The following RSRC1 variants were observed in gnomAD, a reference collection of about 807,000 sequenced individuals.
The protein encoded by RSRC1 is arginine and serine rich coiled-coil 1.
In RSRC1, 39 loss-of-function variants were observed where a neutral mutation model predicts 49.1. The ratio of observed to expected loss-of-function variants is 0.79; its 90% CI spans 0.61 to 1.04. The LOEUF is 1.04. Among genes scored for constraint, RSRC1 ranks in the 50% least tolerant of loss-of-function variants. RSRC1 has a pLI of 0.00. For missense variants in RSRC1, 388 were observed against 402.4 expected (o/e 0.96, Z 0.31); for synonymous variants, 143 against 130.8 (o/e 1.09, Z -0.63).
chr3:158,359,606 C>T (rs569001327), intron 6 of RSRC1, among the ~76,000 whole-genome samples: 3 of 152,222 alleles, frequency 2.0e-5, no homozygotes, highest in South Asian at 2.1e-4. Context: ...CGGTGGCACC[C>T]GGAAGCTTGA....
intron 6 of RSRC1, among the ~76,000 whole-genome samples, chr3:158,381,120 T>C (rs750774464): frequency 1.2e-4 from 18 of 152,188 alleles, no homozygotes; most frequent in Non-Finnish European, 2.5e-4. Flanking sequence ...CTATAAAATA[T>C]ATGAACTATT....
intron 3 of RSRC1, among the ~76,000 whole-genome samples, chr3:158,202,194 T>C (rs1175877153): frequency 6.6e-6 from 1 of 152,074 alleles, no homozygotes; most frequent in Admixed American, 6.5e-5. Flanking sequence ...TTTATATTTT[T>C]AGTAGAGATG....
intron 7 of RSRC1, among the ~76,000 whole-genome samples, chr3:158,471,029 G>A (rs1277097902): frequency 6.6e-5 from 10 of 152,310 alleles, no homozygotes; most frequent in Non-Finnish European, 7.4e-5. Flanking sequence ...TGTTGGACTA[G>A]AGCCCAGGCT....
chr3:158,399,379 A>G lies in RSRC1; in HGVS notation c.583+44471A>G, dbSNP rs577763352. ...CACCGTTTTAGCCGGGATGGTCTCG[A>G]TCTCCTGACCTCGTGATCCGCCCGC... is the stretch of plus-strand genomic sequence containing the variant. On this transcript the variant is annotated intron_variant, in intron 6 of 9. Transcript: ENST00000611884. 1.1e-4 allele frequency among the ~76,000 whole-genome samples: 12 copies of G among 109,354 alleles called. 4 individuals carry two copies. The East Asian group carries it at 2.7e-3, about 25-fold the overall frequency. The allele number at this position is 109,354 out of a possible 152,430, so 71.7% of individuals were successfully genotyped here.
intron 1 of RSRC1, among the ~76,000 whole-genome samples, chr3:158,117,717 C>A (rs1714933557): frequency 6.6e-6 from 1 of 152,162 alleles, no homozygotes; most frequent in Non-Finnish European, 1.5e-5. Flanking sequence ...GCTTTGAACT[C>A]CTGGGGTCAA....
At position 158,326,457 on chromosome 3, in the gene RSRC1, T is replaced by C. The variant is rs901463750; in HGVS notation, c.531+28382T>C. ...AGCATGAGGCATTGTTGAATTTTGT[T>C]GAAGGCCTTTTCTGCATCTATTGAG... On this transcript the variant is annotated intron_variant, in intron 5 of 9. Coordinates refer to ENST00000611884, the MANE Select transcript of RSRC1 (RefSeq NM_001271838.2). 3.9e-5 allele frequency among the ~76,000 whole-genome samples: 6 copies of C among 152,244 alleles called. No individual in the cohort carries two copies. The South Asian group carries it at 6.2e-4, about 16-fold the overall frequency.
At chr3:158,534,559 G>A (rs1712609106) in intron 7 of RSRC1, among the ~76,000 whole-genome samples, 1 of 151,494 alleles carries the variant, frequency 6.6e-6, no homozygotes, top group African/African-American at 2.4e-5. Flanking sequence ...AAGGGTGTAA[G>A]TCATTATGTT....
intron 5 of RSRC1, among the ~76,000 whole-genome samples, chr3:158,310,086 T>C (rs1339211860): frequency 6.6e-6 from 1 of 151,644 alleles, no homozygotes; most frequent in Non-Finnish European, 1.5e-5. Context: ...TTAAGGAATT[T>C]ATAGTCTAAT....
chr3:158,394,299 A>T (rs1471167689), intron 6 of RSRC1, among the ~76,000 whole-genome samples: 1 of 151,998 alleles, frequency 6.6e-6, no homozygotes, highest in Non-Finnish European at 1.5e-5. Flanking sequence ...GGAAGTCCTG[A>T]CCCAAGCAAT....
intron 6 of RSRC1, among the ~76,000 whole-genome samples, chr3:158,430,716 C>T (rs1735733325): frequency 6.6e-6 from 1 of 151,932 alleles, no homozygotes; most frequent in Non-Finnish European, 1.5e-5. Flanking sequence ...TTCTGTACCA[C>T]ACTATGAGCA....
At chr3:158,147,054 TC>T (rs1717176893) in intron 3 of RSRC1, among the ~76,000 whole-genome samples, 1 of 136,150 alleles carries the variant, frequency 7.3e-6, no homozygotes, top group African/African-American at 2.7e-5. Context: ...TGCTGCTGCC[TC>T]CCCCTCCCTC....
intron 3 of RSRC1, among the ~76,000 whole-genome samples, chr3:158,181,851 G>C (rs1232832677): frequency 6.6e-6 from 1 of 152,088 alleles, no homozygotes; most frequent in Non-Finnish European, 1.5e-5. Context: ...GAATTTGTTT[G>C]TTTATTCATT....
intron 3 of RSRC1, among the ~76,000 whole-genome samples, chr3:158,202,580 ATGT>A (rs1721119727): frequency 2.1e-5 from 3 of 142,992 alleles, no homozygotes; most frequent in African/African-American, 8.0e-5. Flanking sequence ...ATATATATAT[ATGT>A]TTTATCAATA....
At chr3:158,423,291 A>G (rs1400974055) in intron 6 of RSRC1, among the ~76,000 whole-genome samples, 4 of 152,140 alleles carry the variant, frequency 2.6e-5, no homozygotes, top group African/African-American at 7.2e-5. Context: ...AGCTTTCTAC[A>G]TATGGCTAGC....
intron 7 of RSRC1, among the ~76,000 whole-genome samples, chr3:158,482,356 TG>T (rs1256056620): frequency 3.9e-5 from 6 of 152,224 alleles, no homozygotes; most frequent in Non-Finnish European, 7.4e-5. Flanking sequence ...TAATCTCTTT[TG>T]CCTGCGTAAC....
intron 7 of RSRC1, among the ~76,000 whole-genome samples, chr3:158,484,743 A>G (rs1738751694): frequency 6.6e-6 from 1 of 152,112 alleles, no homozygotes; most frequent in Admixed American, 6.6e-5. Flanking sequence ...GTTACTAATT[A>G]TAAATAAGAG....
intron 4 of RSRC1, among the ~76,000 whole-genome samples, chr3:158,258,937 G>A (rs536610982): frequency 6.6e-6 from 1 of 152,118 alleles, no homozygotes; most frequent in East Asian, 1.9e-4. Context: ...TAGCTGATAG[G>A]ATTCTGAATT....
intron 4 of RSRC1, among the ~76,000 whole-genome samples, chr3:158,231,115 A>G (rs973223456): frequency 7.5e-6 from 1 of 134,066 alleles, no homozygotes; most frequent in African/African-American, 2.7e-5. Context: ...TGTAGTAGAG[A>G]TGAAGAATAA....
intron 3 of RSRC1, among the ~76,000 whole-genome samples, 191 bp downstream of exon 3, chr3:158,124,182 G>A (rs1715464726): frequency 6.6e-6 from 1 of 152,154 alleles, no homozygotes; most frequent in Non-Finnish European, 1.5e-5. Context: ...ATGGTCTAAT[G>A]TGGCCTCACT....
Sources: allele counts gnomAD v4.1 joint callset (sites outside exome capture counted in the v4.1 genomes callset), GRCh38; gene constraint gnomAD v4.1.1; transcripts MANE v1.5; gene names NCBI Gene and HGNC (gene_info 2026-07-23, HGNC 2026-07-21).